RNPS1: variants seen among roughly 807,000 people sequenced by gnomAD.
The protein encoded by RNPS1 is RNA-binding protein with serine-rich domain 1.
For synonymous variants in RNPS1, 147 were observed against 150.0 expected (o/e 0.98, Z 0.15); for missense variants, 300 against 427.6 (o/e 0.70, Z 2.63).
chr16:2,258,855 C>T (rs1367286623), intron 6 of RNPS1: 2 of 152,110 alleles, frequency 1.3e-5, no homozygotes, highest in East Asian at 1.9e-4. Context: ...GGCGCAGTGG[C>T]TCACACCTGT....
In RNPS1 at chr16:2,268,069, G is replaced by C; in HGVS notation, c.-132C>G. On this transcript the variant is annotated 5_prime_UTR_variant, in exon 1 of 8. Coordinates refer to ENST00000320225, the MANE Select transcript of RNPS1 (RefSeq NM_080594.4). ...CCCCAACTTACATCTTCCCGCCGCC[G>C]CCACCTCCTCCTGCTTTCCTCAGCC... The C allele has an allele frequency of 2.0e-6, 3 of 1,535,172 alleles. No homozygotes were observed. The highest frequency in any genetic ancestry group is 2.7e-5 in the African/African-American group (2 of 73,130).
Position 2,257,834 on chromosome 16 carries a change from TAC to T in RNPS1, c.677-2110_677-2109del, listed in dbSNP as rs1238171163. 5 of 152,382 alleles carry T rather than the reference TAC, an allele frequency of 3.3e-5. No individual in the cohort carries two copies. The East Asian group carries it at 9.6e-4, about 29-fold the overall frequency. The allele number at this position is 152,382 out of a possible 1,614,324, so 9.4% of individuals were successfully genotyped here. A position where few individuals can be genotyped will look rare whatever the true frequency, so the allele number is the denominator to read the frequency against. On this transcript the variant is annotated intron_variant, in intron 6 of 7. Coordinates refer to ENST00000320225, the MANE Select transcript of RNPS1 (RefSeq NM_080594.4). The stretch of plus-strand genomic sequence containing the variant: ...TGAAAAAAACCAGCTAAGCTACTTA[TAC>T]AGTTTGTAACAGGGCCTCGGAAGAC...
intron 1 of RNPS1, chr16:2,267,723 C>T (rs1419238374): frequency 1.6e-6 from 2 of 1,267,860 alleles, no homozygotes; most frequent in Middle Eastern, 3.1e-4. Context: ...GCGTTGGGGG[C>T]TTGGGTCTCC....
At chr16:2,254,923 T>C (rs1258738722) in intron 7 of RNPS1, among the ~76,000 whole-genome samples, 2 of 151,750 alleles carry the variant, frequency 1.3e-5, no homozygotes, top group Non-Finnish European at 2.9e-5. Context: ...TTTGTATTTT[T>C]AGTAGAGACA....
At chr16:2,254,164 T>G in intron 7 of RNPS1, 101 bp from the exon 8 acceptor site, 187 of 777,884 alleles carry the variant, frequency 2.4e-4, no homozygotes, top group Non-Finnish European at 3.3e-4. Context: ...TGAGATGGAA[T>G]ATCACTCTGT....
intron 6 of RNPS1, among the ~76,000 whole-genome samples, chr16:2,260,301 G>A (rs1037715492): frequency 4.2e-4 from 64 of 151,888 alleles, no homozygotes; most frequent in African/African-American, 1.4e-3. Context: ...GACCACAGGT[G>A]TGTGCCATCA....
intron 4 of RNPS1, 100 bp downstream of exon 4, chr16:2,262,996 T>C (rs889108628): frequency 6.5e-6 from 9 of 1,392,084 alleles, no homozygotes; most frequent in Middle Eastern, 2.0e-4. Flanking sequence ...AGAAATCCTA[T>C]TAACACAGAA....
intron 3 of RNPS1, chr16:2,263,975 C>T (rs557454547): frequency 5.2e-6 from 3 of 578,720 alleles, no homozygotes; most frequent in Non-Finnish European, 8.9e-6. Flanking sequence ...AGCAATCCTC[C>T]TGCCTCGGCC....
chr16:2,262,262 T>G lies in RNPS1; in HGVS notation c.676+16A>C. On this transcript the variant is annotated intron_variant, in intron 6 of 7. Transcript: ENST00000320225. ...GGGTCTCTGAGAGGTCAGGGTTATGTGGCAGGGTCACCCACCTCCATCCAT... is the reference window on the plus strand; with the variant it reads ...GGGTCTCTGAGAGGTCAGGGTTATGGGGCAGGGTCACCCACCTCCATCCAT... 1 of 1,611,620 alleles carries G rather than the reference T, an allele frequency of 6.2e-7. No homozygotes were observed. The highest frequency in any genetic ancestry group is 8.5e-7 in the Non-Finnish European group (1 of 1,179,394).
chr16:2,259,793 G>T (rs2093594884), intron 6 of RNPS1, among the ~76,000 whole-genome samples: 1 of 152,218 alleles, frequency 6.6e-6, no homozygotes, highest in African/African-American at 2.4e-5. Context: ...AGAGGCTGAG[G>T]CAGGAGAATG....
At chr16:2,258,749 T>G (rs2141555018) in intron 6 of RNPS1, 1 of 152,104 alleles carries the variant, frequency 6.6e-6, no homozygotes, top group Admixed American at 6.6e-5. Context: ...GGAGGTTGAT[T>G]GTAAAGAAAA....
At position 2,264,401 on chromosome 16, in the gene RNPS1, G is replaced by A. The variant is rs995032671; in HGVS notation, c.72-70C>T. The A allele has an allele frequency of 4.4e-6, 7 of 1,604,916 alleles. No individual in the cohort carries two copies. The African/African-American group carries it at 9.4e-5, about 22-fold the overall frequency. ...AACCCAAACAGCACAACCCAAAACG[G>A]GGGATCAGCATCAGCAGGGCCACAG... On this transcript the variant is annotated intron_variant, in intron 2 of 7. Transcript: ENST00000320225.
At chr16:2,263,458 G>C (rs1194781828) in intron 3 of RNPS1, among the ~76,000 whole-genome samples, 171 bp from the exon 4 acceptor site, 1 of 152,220 alleles carries the variant, frequency 6.6e-6, no homozygotes, top group Non-Finnish European at 1.5e-5. Context: ...CAGCAAGTCA[G>C]AGCCCTAGGT....
At chr16:2,262,698 G>A (rs749746577) in intron 5 of RNPS1, 42 bp downstream of exon 5, 3 of 1,539,894 alleles carry the variant, frequency 1.9e-6, no homozygotes, top group Non-Finnish European at 1.8e-6. Context: ...AGGCCTGCTT[G>A]TCCACACCCC....
Position 2,262,826 on chromosome 16 carries a change from T to G in RNPS1, c.436A>C (p.Arg146=). The change falls in exon 5 of 8, where the codon AGA becomes CGA. Residue 146 remains arginine (R), a synonymous_variant. Transcript: ENST00000320225. ...RSRSKSKPPK[R]DEKERKRRSP... ...CGCCTTTTCCTCTCCTTTTCATCTC[T>G]TTTAGGTGGTTTGGATCTGATTGAG... 6.2e-7 allele frequency: 1 copy of G among 1,613,872 alleles called. No individual in the cohort carries two copies. The highest frequency in any genetic ancestry group is 8.5e-7 in the Non-Finnish European group (1 of 1,179,842).
rs1342117983 is a variant in RNPS1 at position 2,263,306 on chromosome 16, G to C, written c.228-19C>G. ...CCGAGACCTGAGGGCAAGATGAGGG[G>C]TCACAACCACCACACACCAAGTCTC... On this transcript the variant is annotated intron_variant, in intron 3 of 7. Transcript: ENST00000320225. The C allele has an allele frequency of 6.2e-7, 1 of 1,613,140 alleles. No individual in the cohort carries two copies. Among genetic ancestry groups the C allele is most frequent in the East Asian group, 2.2e-5 (1 of 44,878 alleles).
intron 1 of RNPS1, chr16:2,265,648 C>T (rs2093622260): frequency 6.6e-6 from 1 of 152,084 alleles, no homozygotes; most frequent in Admixed American, 6.5e-5. Flanking sequence ...CCAGGCCTAG[C>T]TAATTTTTGT....
intron 1 of RNPS1, chr16:2,266,287 T>C (rs2141592313): frequency 1.0e-6 from 1 of 985,444 alleles, no homozygotes; most frequent in Non-Finnish European, 1.2e-6. Flanking sequence ...AACGCCACCT[T>C]TGCTGCTCTT....
intron 3 of RNPS1, among the ~76,000 whole-genome samples, chr16:2,263,594 CTGCTGGCTGA>C (rs1211268969): frequency 1.3e-5 from 2 of 152,210 alleles, no homozygotes; most frequent in Non-Finnish European, 2.9e-5. Flanking sequence ...GGGAAGGCAG[CTGCTGGCTGA>C]TGCTGACCCA....
Sources: allele counts gnomAD v4.1 joint callset (sites outside exome capture counted in the v4.1 genomes callset), GRCh38; gene constraint gnomAD v4.1.1; transcripts MANE v1.5; gene names NCBI Gene and HGNC (gene_info 2026-07-23, HGNC 2026-07-21).